Variants in NLRP8 observed in about 807,000 individuals in gnomAD.
NLRP8 encodes NACHT, LRR and PYD domains-containing protein 8.
A neutral mutation model predicts 88.7 loss-of-function variants in NLRP8; 86 were observed. That is an observed-to-expected ratio of 0.97 (90% CI 0.81 to 1.16). NLRP8 has a LOEUF of 1.16. Ranked by LOEUF, NLRP8 falls within the 50% of genes most tolerant of loss-of-function variation. The pLI, the probability that NLRP8 is intolerant of heterozygous loss-of-function variation, is 0.00. For missense variants in NLRP8, 1,342 were observed against 1,286.5 expected (o/e 1.04, Z -0.66); for synonymous variants, 504 against 494.6 (o/e 1.02, Z -0.25).
intron 7 of NLRP8, 84 bp from the exon 8 acceptor site, chr19:55,976,049 C>G: frequency 7.6e-7 from 1 of 1,308,208 alleles, no homozygotes; most frequent in Non-Finnish European, 1.0e-6. Flanking sequence ...AGAAGTAAAA[C>G]CTAAGGGTGT....
chr19:55,978,445 G>A (rs979720063), intron 8 of NLRP8, among the ~76,000 whole-genome samples: 1 of 152,066 alleles, frequency 6.6e-6, no homozygotes, highest in African/African-American at 2.4e-5. Context: ...AGAAGTCCAA[G>A]GTGGAGGGGC....
At position 55,954,700 on chromosome 19, in the gene NLRP8, C is replaced by G. The variant is rs753082492; in HGVS notation, c.642C>G (p.Ile214Met). 3 of 1,614,126 alleles carry G rather than the reference C, an allele frequency of 1.9e-6. No homozygotes were observed. The highest frequency in any genetic ancestry group is 1.3e-5 in the African/African-American group (1 of 75,018). ...TGGCCATACAGGGAGCTCCTGGGAT[C>G]GGAAAAACAATCCTGGCCAAAAAGG... The change falls in exon 3 of 10, where the codon ATC becomes ATG. Residue 214 changes from isoleucine (I) to methionine (M), a missense_variant. Coordinates refer to ENST00000291971, the MANE Select transcript of NLRP8 (RefSeq NM_176811.2).
At position 55,988,440 on chromosome 19, in the gene NLRP8, G is replaced by GTATATATATATATATATA. The variant is rs1445801696; in HGVS notation, c.*528_*529insATATATATATATATATAT. ...TATACACATAAATATATATATGTGTGTGTGTATATATATATATATATATAT... is the reference window on the plus strand; with the variant it reads ...TATACACATAAATATATATATGTGTGTATATATATATATATATATGTGTATATATATATATATATATAT... On this transcript the variant is annotated 3_prime_UTR_variant, in exon 10 of 10. Coordinates refer to ENST00000291971, the MANE Select transcript of NLRP8 (RefSeq NM_176811.2). 1.6e-4 allele frequency: 16 copies of GTATATATATATATATATA among 100,538 alleles called. No homozygotes were observed. Among genetic ancestry groups the GTATATATATATATATATA allele is most frequent in the South Asian group, 1.6e-3 (5 of 3,180 alleles). 6.2% of individuals were successfully genotyped at this position (100,538 alleles called of 1,614,324 possible).
rs768632769 is a variant in NLRP8 at position 55,962,112 on chromosome 19, C to T, written c.2088C>T (p.Cys696=). The change falls in exon 4 of 10, where the codon TGC becomes TGT. Residue 696 remains cysteine (C), a synonymous_variant. Transcript: ENST00000291971. ...TGCATCGTTGGTGGCAAGACTTATG[C>T]TCTGTGTTTGCAACGAATGATAAGC... 27 of 1,614,056 alleles carry T rather than the reference C, an allele frequency of 1.7e-5. No homozygotes were observed. The East Asian group carries it at 5.3e-4, about 32-fold the overall frequency.
At chr19:55,968,626 G>C (rs1382717652) in intron 5 of NLRP8, among the ~76,000 whole-genome samples, 1 of 151,634 alleles carries the variant, frequency 6.6e-6, no homozygotes, top group African/African-American at 2.4e-5. Flanking sequence ...TGTAATTCCA[G>C]CTACTCAGGA....
Position 55,976,190 on chromosome 19 carries a change from T to C in NLRP8, c.2763T>C (p.Cys921=), listed in dbSNP as rs1171738037. Residue 921 remains cysteine, a synonymous_variant, in exon 8 of 10, where the codon TGT becomes TGC. Transcript: ENST00000291971. ...GTCAGGATATGATCTCTGCGCTCTG[T>C]AAAAATAAAACCCTGAAAAGTCTTG... 6.2e-7 allele frequency: 1 copy of C among 1,613,742 alleles called. No homozygotes were observed. Among genetic ancestry groups the C allele is most frequent in the Admixed American group, 1.7e-5 (1 of 59,882 alleles).
chr19:55,960,868 A>C (rs1282489965), intron 3 of NLRP8, among the ~76,000 whole-genome samples: 1 of 143,894 alleles, frequency 6.9e-6, no homozygotes, highest in Non-Finnish European at 1.5e-5. Flanking sequence ...CCCCCTTGAC[A>C]TACTTTTGGG....
In NLRP8 at chr19:55,955,852, C is replaced by A; in HGVS notation, c.1794C>A (p.Asp598Glu). 1 of 1,614,144 alleles carries A rather than the reference C, an allele frequency of 6.2e-7. No individual in the cohort carries two copies. Among genetic ancestry groups the A allele is most frequent in the Non-Finnish European group, 8.5e-7 (1 of 1,180,036 alleles). ...TCATACCTCTGTTGCATAAATGTGA[C>A]CCACCTTCTCCGGGCAGTGGGGTCC... The change falls in exon 3 of 10, where the codon GAC becomes GAA. Residue 598 changes from aspartate (D) to glutamate (E), a missense_variant. Asp to Glu is a conservative substitution (Grantham distance 45). Transcript: ENST00000291971.
intron 3 of NLRP8, among the ~76,000 whole-genome samples, chr19:55,957,676 TATATATATATATATATATA>T (rs1979428689): frequency 4.8e-4 from 1 of 2,100 alleles, no homozygotes; most frequent in Non-Finnish European, 1.9e-3. Flanking sequence ...ATAATAATTA[TATATATATATATATATATA>T]TATATATATA....
At position 55,971,434 on chromosome 19, in the gene NLRP8, C is replaced by T. The variant is rs1339766973; in HGVS notation, c.2534+738C>T. 1.6e-4 allele frequency among the ~76,000 whole-genome samples: 16 copies of T among 101,196 alleles called. 1 individual carries two copies. Among genetic ancestry groups the T allele is most frequent in the South Asian group, 1.1e-3 (3 of 2,750 alleles). 66.4% of individuals were successfully genotyped at this position (101,196 alleles called of 152,430 possible). A position where few individuals can be genotyped will look rare whatever the true frequency, so the allele number is the denominator to read the frequency against. On this transcript the variant is annotated intron_variant, in intron 6 of 9. Transcript: ENST00000291971. The stretch of plus-strand genomic sequence containing the variant: ...CCAGCCTGAATGACAGAGTGAGACT[C>T]GTCTCAAAAAAAAAAAAAAAAAAAA...
At chr19:55,979,598 A>G in intron 9 of NLRP8, 34 bp downstream of exon 9, 1 of 1,611,546 alleles carries the variant, frequency 6.2e-7, no homozygotes, top group Non-Finnish European at 8.5e-7. Context: ...TGCAAAACCT[A>G]CCACACAAGA....
intron 1 of NLRP8, among the ~76,000 whole-genome samples, chr19:55,951,988 G>A (rs1203332935): frequency 6.6e-6 from 1 of 152,184 alleles, no homozygotes; most frequent in Non-Finnish European, 1.5e-5. Flanking sequence ...CTTGGCTCAA[G>A]CAATCCTCCT....
At chr19:55,960,620 G>A (rs1430424411) in intron 3 of NLRP8, among the ~76,000 whole-genome samples, 1 of 152,178 alleles carries the variant, frequency 6.6e-6, no homozygotes, top group Non-Finnish European at 1.5e-5. Context: ...GATCACTTTT[G>A]TATGGGTTCC....
At chr19:55,957,710 TATATATATATATATAA>T (rs1318297567) in intron 3 of NLRP8, among the ~76,000 whole-genome samples, 673 of 59,192 alleles carry the variant, frequency 0.011, 7 homozygotes, top group Admixed American at 0.016. Flanking sequence ...TATATATATA[TATATATATATATATAA>T]AATAAGGTTG....
chr19:55,987,264 G>A (rs1980891596), intron 9 of NLRP8, among the ~76,000 whole-genome samples: 2 of 152,332 alleles, frequency 1.3e-5, no homozygotes, highest in Admixed American at 1.3e-4. Context: ...CACCTTCTAG[G>A]GAGGCTGAGA....
In NLRP8 at chr19:55,988,460, ATATATATATG is replaced by A. The variant is rs1980973453; in HGVS notation, c.*548_*557del. On this transcript the variant is annotated 3_prime_UTR_variant, in exon 10 of 10. Coordinates refer to ENST00000291971, the MANE Select transcript of NLRP8 (RefSeq NM_176811.2). Reference sequence around the variant, plus strand: ...TGTGTGTGTGTATATATATATATATATATATATATGCTATATAAAGTTTAAATGAAATGCT... The same window carrying A: ...TGTGTGTGTGTATATATATATATATACTATATAAAGTTTAAATGAAATGCT... 1 of 145,786 alleles carries A rather than the reference ATATATATATG, an allele frequency of 6.9e-6. No individual in the cohort carries two copies. Among genetic ancestry groups the A allele is most frequent in the African/African-American group, 2.5e-5 (1 of 39,720 alleles). The allele number at this position is 145,786 out of a possible 1,614,324, so 9.0% of individuals were successfully genotyped here.
At chr19:55,981,674 G>T (rs939327320) in intron 9 of NLRP8, among the ~76,000 whole-genome samples, 1 of 152,182 alleles carries the variant, frequency 6.6e-6, no homozygotes, top group Non-Finnish European at 1.5e-5. Context: ...GATAATAAAT[G>T]TAGCAAGTAC....
intron 1 of NLRP8, 73 bp downstream of exon 1, chr19:55,948,342 C>G: frequency 6.8e-7 from 1 of 1,471,650 alleles, no homozygotes; most frequent in Non-Finnish European, 9.3e-7. Context: ...TAGTCACCAC[C>G]CCTATCACTT....
chr19:55,964,481 G>A (rs1459992125), intron 4 of NLRP8, among the ~76,000 whole-genome samples: 1 of 152,198 alleles, frequency 6.6e-6, no homozygotes, highest in African/African-American at 2.4e-5. Context: ...GTCGGGCGTG[G>A]TGGCTCACGC....
Sources: gnomAD v4.1 joint callset for allele counts (sites outside exome capture counted in the v4.1 genomes callset) on GRCh38, gnomAD v4.1.1 for gene constraint, MANE v1.5 for transcripts, NCBI Gene and HGNC (gene_info 2026-07-23, HGNC 2026-07-21) for gene names.